Variants in ALX4 observed in about 807,000 individuals in gnomAD.
The protein encoded by ALX4 is ALX homeobox 4.
Under a neutral mutation model 40.6 loss-of-function variants are expected in ALX4, and 22 were observed. The ratio of observed to expected loss-of-function variants is 0.54; its 90% confidence interval spans 0.39 to 0.77. The LOEUF is 0.77. Among genes scored for constraint, ALX4 ranks in the 30% least tolerant of loss-of-function variants. The pLI, the probability that ALX4 is intolerant of heterozygous loss-of-function variation, is 0.00. For synonymous variants in ALX4, 266 were observed against 240.5 expected, an observed-to-expected ratio of 1.11 and a Z score of -0.98; for missense variants, 556 against 564.8, an observed-to-expected ratio of 0.98 and a Z score of 0.16.
intron 1 of ALX4, among the ~76,000 whole-genome samples, chr11:44,293,563 C>T (rs1956385748): frequency 6.6e-6 from 1 of 152,206 alleles, no homozygotes; most frequent in Admixed American, 6.5e-5. Context: ...GATAGATCTC[C>T]TGAGAGGATA....
At chr11:44,289,019 G>A (rs1956354991) in intron 1 of ALX4, among the ~76,000 whole-genome samples, 1 of 152,182 alleles carries the variant, frequency 6.6e-6, no homozygotes, top group Admixed American at 6.5e-5. Context: ...TTCATTCAGA[G>A]CTTCCCTTAG....
chr11:44,279,777 A>G (rs941124438), intron 1 of ALX4, among the ~76,000 whole-genome samples: 2 of 152,046 alleles, frequency 1.3e-5, no homozygotes, highest in African/African-American at 4.8e-5. Context: ...CTGACTCGTA[A>G]TCTCATCAAG....
chr11:44,273,577 C>G (rs1956261081), intron 2 of ALX4, among the ~76,000 whole-genome samples: 1 of 152,132 alleles, frequency 6.6e-6, no homozygotes, highest in Non-Finnish European at 1.5e-5. Flanking sequence ...ACAATCAGTG[C>G]TTGATCTCAA....
At chr11:44,308,422 A>G (rs1305070165) in intron 1 of ALX4, among the ~76,000 whole-genome samples, 1 of 152,216 alleles carries the variant, frequency 6.6e-6, no homozygotes, top group African/African-American at 2.4e-5. Context: ...GATCAGGGCA[A>G]ATTCCCTGCC....
chr11:44,274,168 A>T (rs925504247), intron 2 of ALX4, among the ~76,000 whole-genome samples: 15 of 152,206 alleles, frequency 9.9e-5, no homozygotes, highest in Non-Finnish European at 1.6e-4. Context: ...AATTTAAAAA[A>T]TTTTTAAGAA....
At chr11:44,278,235 G>A (rs79067588) in intron 1 of ALX4, among the ~76,000 whole-genome samples, 7,920 of 152,014 alleles carry the variant, frequency 0.052, 285 homozygotes, top group African/African-American at 0.1. Flanking sequence ...AGTTGGTATG[G>A]ACCAGCCTGA....
Position 44,309,728 on chromosome 11 carries a change from G to T in ALX4, c.335C>A (p.Pro112Gln), listed in dbSNP as rs751385178. 3.2e-6 allele frequency: 5 copies of T among 1,559,238 alleles called. No individual in the cohort carries two copies. In the Admixed American group the frequency reaches 7.5e-5, roughly 23 times the overall value. ...CGGTTGCGCGGGCGGCTGGGGCTGC[G>T]GCTGCTGCTGCTGCGGCTGCGGCTG... ...PPQPQPQQQQ[P>Q]QPQPPAQPHL... Residue 112 changes from proline to glutamine, a missense_variant, in exon 1 of 4, where the codon CCG (proline) becomes CAG (glutamine). By Grantham distance (76) the Pro-to-Gln change is moderately conservative. Transcript: ENST00000652299.
At chr11:44,280,515 C>T (rs550704419) in intron 1 of ALX4, among the ~76,000 whole-genome samples, 1 of 152,244 alleles carries the variant, frequency 6.6e-6, no homozygotes, top group Non-Finnish European at 1.5e-5. Context: ...CTCCCTGGAG[C>T]AGCTCCTTGT....
intron 1 of ALX4, among the ~76,000 whole-genome samples, chr11:44,298,739 T>C (rs1201244641): frequency 6.6e-6 from 1 of 151,458 alleles, no homozygotes; most frequent in Admixed American, 6.6e-5. Flanking sequence ...CCAAGACTTG[T>C]GCTAAATAGA....
chr11:44,293,164 GAAGGAAGCAGGCAGGC>G (rs1956381635), intron 1 of ALX4, among the ~76,000 whole-genome samples: 1 of 32,952 alleles, frequency 3.0e-5, no homozygotes, highest in Admixed American at 3.5e-4. Context: ...AGGAAGGAAG[GAAGGAAGCAGGCAGGC>G]AGGGAGGGAG....
Position 44,309,851 on chromosome 11 carries a change from T to C in ALX4, c.212A>G (p.Gln71Arg). ...KSRARYGAGQ[Q>R]DLATPLESGA... ...ACTCTCCAGGGGTGTCGCCAGGTCC[T>C]GCTGCCCAGCGCCGTAACGGGCCCG... Residue 71 changes from glutamine (Q) to arginine (R), a missense_variant, in exon 1 of 4, where the codon CAG (glutamine) becomes CGG (arginine). Physicochemically the swap from Gln to Arg is conservative, Grantham distance 43 (BLOSUM62 1). Transcript: ENST00000652299. 2 of 1,559,790 alleles carry C rather than the reference T, an allele frequency of 1.3e-6. No homozygotes were observed. Among genetic ancestry groups the C allele is most frequent in the Middle Eastern group, 1.7e-4 (1 of 6,000 alleles).
chr11:44,305,962 G>C (rs967204473), intron 1 of ALX4, among the ~76,000 whole-genome samples: 1 of 152,244 alleles, frequency 6.6e-6, no homozygotes, highest in Non-Finnish European at 1.5e-5. Flanking sequence ...CCGGAGTTTG[G>C]GGGCGAGGCG....
At chr11:44,282,993 T>G (rs1047738155) in intron 1 of ALX4, among the ~76,000 whole-genome samples, 1 of 152,200 alleles carries the variant, frequency 6.6e-6, no homozygotes, top group Admixed American at 6.5e-5. Context: ...CCTGTAATCT[T>G]AGCACTTTGA....
chr11:44,300,121 C>T (rs76801875), intron 1 of ALX4, among the ~76,000 whole-genome samples: 358 of 152,272 alleles, frequency 2.4e-3, no homozygotes, highest in African/African-American at 8.2e-3. Context: ...TAACCTTTGG[C>T]AGACTGGACC....
chr11:44,279,309 C>T (rs1956295599), intron 1 of ALX4, among the ~76,000 whole-genome samples: 1 of 152,240 alleles, frequency 6.6e-6, no homozygotes. Flanking sequence ...ACTGCCACCC[C>T]TCTGAGTCTC....
chr11:44,302,358 CT>C (rs1313841684), intron 1 of ALX4, among the ~76,000 whole-genome samples: 4 of 152,326 alleles, frequency 2.6e-5, no homozygotes, highest in African/African-American at 7.2e-5. Flanking sequence ...CACATTCATG[CT>C]GTGCACACGC....
At chr11:44,277,576 C>A (rs924343526) in intron 1 of ALX4, among the ~76,000 whole-genome samples, 1 of 152,204 alleles carries the variant, frequency 6.6e-6, no homozygotes, top group Non-Finnish European at 1.5e-5. Context: ...TAGGTCCAAG[C>A]GATGGGCATT....
intron 2 of ALX4, among the ~76,000 whole-genome samples, chr11:44,267,849 G>A (rs1048057876): frequency 2.0e-5 from 3 of 152,198 alleles, no homozygotes; most frequent in Admixed American, 1.3e-4. Context: ...AGCCATGGGC[G>A]TGATCCTGAG....
chr11:44,290,558 T>A (rs554240375), intron 1 of ALX4, among the ~76,000 whole-genome samples: 1 of 152,210 alleles, frequency 6.6e-6, no homozygotes, highest in African/African-American at 2.4e-5. Context: ...TTGGGGCGAC[T>A]CCAGATCTCT....
Sources: gnomAD v4.1 joint callset for allele counts (sites outside exome capture counted in the v4.1 genomes callset) on GRCh38, gnomAD v4.1.1 for gene constraint, MANE v1.5 for transcripts, NCBI Gene and HGNC (gene_info 2026-07-23, HGNC 2026-07-21) for gene names.